Variants in GABRR2 observed in about 807,000 individuals in gnomAD.
GABRR2 encodes the protein gamma-aminobutyric acid receptor subunit rho-2.
GABRR2 carries 36 observed loss-of-function variants against 47.0 expected under a neutral mutation model. The observed-to-expected ratio is 0.77, with a 90% CI of 0.59 to 1.01. The LOEUF (loss-of-function observed/expected upper bound fraction) is 1.01, where lower values mean the gene tolerates loss of function less well. Among genes scored for constraint, GABRR2 ranks in the 50% least tolerant of loss-of-function variants. The pLI, the probability that GABRR2 is intolerant of heterozygous loss-of-function variation, is 0.00. For synonymous variants in GABRR2, 204 were observed against 227.5 expected, an observed-to-expected ratio of 0.90 and a Z score of 0.93; for missense variants, 587 against 594.6, an observed-to-expected ratio of 0.99 and a Z score of 0.13.
chr6:89,273,120 T>C (rs1774090184), intron 2 of GABRR2, among the ~76,000 whole-genome samples: 1 of 152,202 alleles, frequency 6.6e-6, no homozygotes, highest in Non-Finnish European at 1.5e-5. Flanking sequence ...GTACAATGCT[T>C]TAATTTTTCC....
At chr6:89,262,487 G>T (rs1194539102) in intron 8 of GABRR2, among the ~76,000 whole-genome samples, 2 of 152,300 alleles carry the variant, frequency 1.3e-5, no homozygotes, top group South Asian at 4.1e-4. Context: ...TCCCCAGCCT[G>T]CAGGATGGCC....
intron 6 of GABRR2, among the ~76,000 whole-genome samples, chr6:89,266,130 A>C (rs61639393): frequency 0.011 from 1,640 of 152,222 alleles, 38 homozygotes; most frequent in African/African-American, 0.038. Context: ...TGGCACACTC[A>C]CAGCTCACTG....
chr6:89,290,139 A>G (rs1412807699), intron 2 of GABRR2, among the ~76,000 whole-genome samples: 3 of 152,208 alleles, frequency 2.0e-5, no homozygotes, highest in Non-Finnish European at 4.4e-5. Flanking sequence ...AAAATGATAT[A>G]TATCCCTATC....
chr6:89,301,784 T>C lies in GABRR2; in HGVS notation c.114-1919A>G, dbSNP rs1000860490. 1.3e-5 allele frequency: 10 copies of C among 784,478 alleles called. No homozygotes were observed. In the African/African-American group the frequency reaches 1.7e-4, roughly 14 times the overall value. 48.6% of individuals were successfully genotyped at this position (784,478 alleles called of 1,614,324 possible). A position where few individuals can be genotyped will look rare whatever the true frequency, so the allele number is the denominator to read the frequency against. On this transcript the variant is annotated intron_variant, in intron 1 of 8. Transcript: ENST00000402938. ...AGCCGCCTGCCAGACACGCCCAGTA[T>C]GAGGGAGATCCTGCACATTCAGGCC...
At chr6:89,273,001 C>T (rs945014746) in intron 2 of GABRR2, among the ~76,000 whole-genome samples, 2 of 152,114 alleles carry the variant, frequency 1.3e-5, no homozygotes, top group Admixed American at 6.5e-5. Flanking sequence ...GAAATCCCAC[C>T]GTTAAAGATT....
chr6:89,286,221 C>T (rs538020492), intron 2 of GABRR2, among the ~76,000 whole-genome samples: 3 of 152,246 alleles, frequency 2.0e-5, no homozygotes, highest in South Asian at 4.1e-4. Context: ...GTCAAATTCA[C>T]AGAAGCAGAG....
intron 1 of GABRR2, among the ~76,000 whole-genome samples, chr6:89,314,241 TGC>T (rs1380612102): frequency 6.6e-6 from 1 of 152,214 alleles, no homozygotes; most frequent in Non-Finnish European, 1.5e-5. Flanking sequence ...GTTTATCTGA[TGC>T]TTAGTAGAAT....
intron 1 of GABRR2, among the ~76,000 whole-genome samples, chr6:89,309,840 C>A (rs1427445234): frequency 6.6e-6 from 1 of 151,896 alleles, no homozygotes; most frequent in Admixed American, 6.6e-5. Context: ...TGCAGTTGTG[C>A]AATTGTAGCT....
chr6:89,281,984 C>T (rs1774260919), intron 2 of GABRR2, among the ~76,000 whole-genome samples: 1 of 152,168 alleles, frequency 6.6e-6, no homozygotes, highest in African/African-American at 2.4e-5. Flanking sequence ...TGTCATGCCC[C>T]TCTCTGACCT....
rs746445582 is a variant in GABRR2 at position 89,267,750 on chromosome 6, T to G, written c.665A>C (p.Lys222Thr). ...NGDESLKTDE[K>T]ISLSQFLIQK... The stretch of plus-strand genomic sequence containing the variant: ...AATCAGAAACTGAGACAAGGAGATC[T>G]TCTCATCTGTTTTTAGGGATTCATC... Residue 222 changes from lysine to threonine, a missense_variant, in exon 6 of 9, where the codon AAG (lysine) becomes ACG (threonine). Lys to Thr is a moderately conservative substitution (Grantham distance 78). Coordinates refer to ENST00000402938, the MANE Select transcript of GABRR2 (RefSeq NM_002043.5). 5.0e-6 allele frequency: 8 copies of G among 1,613,800 alleles called. No homozygotes were observed. The highest frequency in any genetic ancestry group is 6.8e-6 in the Non-Finnish European group (8 of 1,179,794).
At chr6:89,300,745 CAAAA>C (rs56360515) in intron 1 of GABRR2, among the ~76,000 whole-genome samples, 1 of 76,386 alleles carries the variant, frequency 1.3e-5, no homozygotes, top group African/African-American at 5.3e-5. Context: ...GCGTACCAAC[CAAAA>C]AAAAAAAAAA....
chr6:89,279,890 G>C (rs1439164974), intron 2 of GABRR2, among the ~76,000 whole-genome samples: 2 of 151,756 alleles, frequency 1.3e-5, no homozygotes, highest in African/African-American at 4.8e-5. Context: ...CCATGGAAAG[G>C]TTTGACATAT....
At chr6:89,272,722 G>A (rs983238736) in intron 2 of GABRR2, among the ~76,000 whole-genome samples, 3 of 152,314 alleles carry the variant, frequency 2.0e-5, no homozygotes, top group East Asian at 3.9e-4. Context: ...GGATCAGGAC[G>A]TTGTGACCCA....
rs769090430 is a variant in GABRR2 at position 89,299,792 on chromosome 6, C to T, written c.187G>A (p.Glu63Lys). 8 of 1,613,794 alleles carry T rather than the reference C, an allele frequency of 5.0e-6. No homozygotes were observed. Among genetic ancestry groups the T allele is most frequent in the Middle Eastern group, 1.6e-4 (1 of 6,084 alleles). ...GKPQQLLRVD[E>K]HDFSMRPAFG... ...GCGGGTCTCATGCTGAAGTCGTGCT[C>T]GTCCACTCTGAGAAGCTGCTGAGGC... The change falls in exon 2 of 9, where the codon GAG becomes AAG. Residue 63 changes from glutamate to lysine, a missense_variant. By Grantham distance (56) the Glu-to-Lys change is moderately conservative (BLOSUM62 1). Transcript: ENST00000402938.
chr6:89,278,834 C>G (rs1774210926), intron 2 of GABRR2, among the ~76,000 whole-genome samples: 1 of 152,208 alleles, frequency 6.6e-6, no homozygotes, highest in Non-Finnish European at 1.5e-5. Context: ...GATCTAAGGT[C>G]AAATGGCACA....
chr6:89,263,812 C>A (rs1183362685), intron 8 of GABRR2, among the ~76,000 whole-genome samples: 2 of 152,230 alleles, frequency 1.3e-5, no homozygotes, highest in African/African-American at 2.4e-5. Flanking sequence ...CGTGAGCCAC[C>A]ACGCCCGGCA....
rs1291941095 is a variant in GABRR2 at position 89,256,734 on chromosome 6, T to TA, written c.*935dup. On this transcript the variant is annotated 3_prime_UTR_variant, in exon 9 of 9. Transcript: ENST00000402938. The stretch of plus-strand genomic sequence containing the variant: ...GCTATAAATCCATGACCGACCCCAA[T>TA]AAAAAAACTGTACACCGTGGTGAGC... Among the ~76,000 whole-genome samples, 1 of 152,074 alleles carries TA rather than the reference T, an allele frequency of 6.6e-6. No homozygotes were observed. Among genetic ancestry groups the TA allele is most frequent in the African/African-American group, 2.4e-5 (1 of 41,404 alleles).
At position 89,267,679 on chromosome 6, in the gene GABRR2, C is replaced by T. The variant is rs1269517928; in HGVS notation, c.736G>A (p.Gly246Ser). ...TSRLAFYSST[G>S]WYNRLYINFT... Reference sequence around the variant, plus strand: ...TCAGATTGTGGCAAAAGATAGCTACCAGTGCTGCTGTAGAAGGCCAGCCTG... The same window carrying T: ...TCAGATTGTGGCAAAAGATAGCTACTAGTGCTGCTGTAGAAGGCCAGCCTG... Residue 246 changes from glycine (G) to serine (S), a missense_variant and splice_region_variant, in exon 6 of 9, where the codon GGC (glycine) becomes AGC (serine). Coordinates refer to ENST00000402938, the MANE Select transcript of GABRR2 (RefSeq NM_002043.5). 6.2e-7 allele frequency: 1 copy of T among 1,610,704 alleles called. No homozygotes were observed. The highest frequency in any genetic ancestry group is 8.5e-7 in the Non-Finnish European group (1 of 1,178,726).
chr6:89,288,799 G>A (rs79035163), intron 2 of GABRR2, among the ~76,000 whole-genome samples: 2,565 of 152,166 alleles, frequency 0.017, 70 homozygotes, highest in African/African-American at 0.059. Flanking sequence ...GCACCACCAA[G>A]CTCAGCTAAT....
Sources: gnomAD v4.1 joint callset for allele counts (sites outside exome capture counted in the v4.1 genomes callset) on GRCh38, gnomAD v4.1.1 for gene constraint, MANE v1.5 for transcripts, NCBI Gene and HGNC (gene_info 2026-07-23, HGNC 2026-07-21) for gene names.